The following SLC6A3 variants were observed in gnomAD, a reference collection of about 807,000 sequenced individuals.
SLC6A3 encodes the protein solute carrier family 6 member 3.
A neutral mutation model predicts 70.4 loss-of-function variants in SLC6A3; 19 were observed. That is an observed-to-expected ratio of 0.27 (90% CI 0.19 to 0.40). The LOEUF is 0.40. Among genes scored for constraint, SLC6A3 ranks in the 10% least tolerant of loss-of-function variants. The pLI is 1.00. For synonymous variants in SLC6A3, 368 were observed against 356.6 expected (o/e 1.03, Z -0.36); for missense variants, 613 against 838.5 (o/e 0.73, Z 3.32).
chr5:1,428,273 G>T (rs1756616314), intron 4 of SLC6A3, among the ~76,000 whole-genome samples: 1 of 152,150 alleles, frequency 6.6e-6, no homozygotes. Context: ...TCAAAAGAAA[G>T]ATTAGGGAAT....
At chr5:1,407,495 C>T (rs1323082189) in intron 11 of SLC6A3, among the ~76,000 whole-genome samples, 3 of 152,234 alleles carry the variant, frequency 2.0e-5, no homozygotes, top group African/African-American at 4.8e-5. Flanking sequence ...AGGACCGCAG[C>T]GTGCTGGAAG....
chr5:1,445,182 G>A (rs1733771565), intron 1 of SLC6A3, among the ~76,000 whole-genome samples, 166 bp downstream of exon 1: 1 of 152,192 alleles, frequency 6.6e-6, no homozygotes, highest in African/African-American at 2.4e-5. Flanking sequence ...GGCGCTATCG[G>A]GGGGCGCTCG....
chr5:1,432,492 C>A lies in SLC6A3; in HGVS notation c.625G>T (p.Gly209Trp), dbSNP rs372788698. 3.7e-6 allele frequency: 6 copies of A among 1,614,178 alleles called. No individual in the cohort carries two copies. In the Admixed American group the frequency reaches 5.0e-5, roughly 13 times the overall value. ...AAGTACTCGGCAGCAGGTGTGGTCC[C>A]AAAAGTGTCGTTGAGGCCCGAGCTG... ...GDSSGLNDTF[G>W]TTPAAEYFER... Residue 209 changes from glycine to tryptophan, a missense_variant, in exon 4 of 15, where the codon GGG becomes TGG. Gly to Trp is a radical substitution (Grantham distance 184, BLOSUM62 -2). Coordinates refer to ENST00000270349, the MANE Select transcript of SLC6A3 (RefSeq NM_001044.5).
intron 3 of SLC6A3, among the ~76,000 whole-genome samples, chr5:1,434,285 A>G (rs1199515809): frequency 6.6e-6 from 1 of 152,208 alleles, no homozygotes; most frequent in Non-Finnish European, 1.5e-5. Context: ...ATGACTATGA[A>G]GGACTACTCA....
rs1420411078 is a variant in SLC6A3 at position 1,405,069 on chromosome 5, T to C, written c.1599+1119A>G. 6.6e-6 allele frequency among the ~76,000 whole-genome samples: 1 copy of C among 152,242 alleles called. No individual in the cohort carries two copies. The highest frequency in any genetic ancestry group is 1.5e-5 in the Non-Finnish European group (1 of 68,040). On this transcript the variant is annotated intron_variant, in intron 12 of 14. Transcript: ENST00000270349. This position sits in a 1 kb window ranked among gnomAD's most constrained non-coding sequence, Gnocchi z 5.3. ...CTTTCCCCTCTGAACAGCCATGTAGTCTGTGTGCTATTAAAAGCCCGCCCC... is the reference window on the plus strand; with the variant it reads ...CTTTCCCCTCTGAACAGCCATGTAGCCTGTGTGCTATTAAAAGCCCGCCCC...
chr5:1,402,906 C>T lies in SLC6A3; in HGVS notation c.1767+16G>A. Reference sequence around the variant, plus strand: ...GGCCTCACACTCGGGTGAAGGCGCCCCGTCCAAATACCCACCTCTCGAAAG... The same window carrying T: ...GGCCTCACACTCGGGTGAAGGCGCCTCGTCCAAATACCCACCTCTCGAAAG... On this transcript the variant is annotated intron_variant, in intron 13 of 14. Transcript: ENST00000270349. The surrounding 1 kb of genome is among the most constrained non-coding windows in gnomAD (Gnocchi z 8.5). 1.2e-6 allele frequency: 2 copies of T among 1,612,244 alleles called. No homozygotes were observed. The highest frequency in any genetic ancestry group is 8.5e-7 in the Non-Finnish European group (1 of 1,179,870).
intron 4 of SLC6A3, among the ~76,000 whole-genome samples, chr5:1,430,726 C>T (rs1464737529): frequency 6.6e-6 from 1 of 152,116 alleles, no homozygotes; most frequent in Admixed American, 6.5e-5. Context: ...CCCGAAGGTG[C>T]CCTTGCAGAC....
intron 4 of SLC6A3, among the ~76,000 whole-genome samples, chr5:1,430,497 C>T (rs944377561): frequency 3.3e-5 from 5 of 152,130 alleles, no homozygotes; most frequent in African/African-American, 9.7e-5. Flanking sequence ...TTTGAGAGAC[C>T]GAACGCCTGC....
rs183736189 is a variant in SLC6A3 at position 1,428,384 on chromosome 5, T to C, written c.653+4080A>G. Among the ~76,000 whole-genome samples the C allele has an allele frequency of 9.5e-4, 145 of 152,306 alleles. 3 individuals are homozygous for C. In the East Asian group the frequency reaches 0.025, roughly 27 times the overall value. On this transcript the variant is annotated intron_variant, in intron 4 of 14. Coordinates refer to ENST00000270349, the MANE Select transcript of SLC6A3 (RefSeq NM_001044.5). ...AATTAATAGCTTTAATTTATAACTT[T>C]ATAATTTATATTAGGCAGTGTCGAT...
rs1755847008 is a variant in SLC6A3, at chr5:1,401,395, G to T, written c.1768-409C>A. On this transcript the variant is annotated intron_variant, in intron 13 of 14. Coordinates refer to ENST00000270349, the MANE Select transcript of SLC6A3 (RefSeq NM_001044.5). The surrounding 1 kb of genome is among the most constrained non-coding windows in gnomAD (Gnocchi z 6.1). ...GGCCACCTGCAGCTGACATATTCCG[G>T]GAGCACTTGCTTTTTGTCACCTGCA... 4.8e-6 allele frequency: 2 copies of T among 413,976 alleles called. No individual in the cohort carries two copies. The highest frequency in any genetic ancestry group is 4.1e-5 in the African/African-American group (2 of 48,794). The allele number at this position is 413,976 out of a possible 1,614,324, so 25.6% of individuals were successfully genotyped here.
In SLC6A3 at chr5:1,437,151, T is replaced by C. The variant is rs1174944977; in HGVS notation, c.418+4208A>G. ...CTGTAGCCCCAGCTACTCGGGAGGCTGGGGCAGGAGAATCGCTTGAACCCG... is the reference window on the plus strand; with the variant it reads ...CTGTAGCCCCAGCTACTCGGGAGGCCGGGGCAGGAGAATCGCTTGAACCCG... On this transcript the variant is annotated intron_variant, in intron 3 of 14. Coordinates refer to ENST00000270349, the MANE Select transcript of SLC6A3 (RefSeq NM_001044.5). The surrounding 1 kb of genome is among the most constrained non-coding windows in gnomAD (Gnocchi z 4.8). Among the ~76,000 whole-genome samples the C allele has an allele frequency of 6.7e-6, 1 of 149,840 alleles. No individual in the cohort carries two copies. The highest frequency in any genetic ancestry group is 1.5e-5 in the Non-Finnish European group (1 of 67,682).
Position 1,408,289 on chromosome 5 carries a change from AC to A in SLC6A3, c.1498+736del. On this transcript the variant is annotated intron_variant, in intron 11 of 14. Transcript: ENST00000270349. This position sits in a 1 kb window ranked among gnomAD's most constrained non-coding sequence, Gnocchi z 6.4. Reference sequence around the variant, plus strand: ...GATCTCTTGATCTCGTGATCTGCCCACCTCGGCCTCCCAAAGTGCTGGGATT... The same window carrying A: ...GATCTCTTGATCTCGTGATCTGCCCACTCGGCCTCCCAAAGTGCTGGGATT... Among the ~76,000 whole-genome samples, 1 of 147,884 alleles carries A rather than the reference AC, an allele frequency of 6.8e-6. No homozygotes were observed. The highest frequency in any genetic ancestry group is 2.0e-4 in the East Asian group (1 of 4,964).
chr5:1,429,847 T>G (rs987360568), intron 4 of SLC6A3, among the ~76,000 whole-genome samples: 8 of 152,204 alleles, frequency 5.3e-5, no homozygotes, highest in African/African-American at 1.9e-4. Context: ...AGCCCAGGCC[T>G]GGGGTGTTCA....
chr5:1,442,703 T>C lies in SLC6A3; in HGVS notation c.286+209A>G, dbSNP rs1054112655. ...GGCCTCCCTTTCCTAAACTCTGAAA[T>C]GCAGGCGTGGGACAAGGCAGCTCCG... is the stretch of plus-strand genomic sequence containing the variant. On this transcript the variant is annotated intron_variant, in intron 2 of 14. Transcript: ENST00000270349. This position sits in a 1 kb window ranked among gnomAD's most constrained non-coding sequence, Gnocchi z 5.0. 6.6e-6 allele frequency among the ~76,000 whole-genome samples: 1 copy of C among 151,434 alleles called. No individual in the cohort carries two copies. Among genetic ancestry groups the C allele is most frequent in the Admixed American group, 6.6e-5 (1 of 15,212 alleles).
rs370588183 is a variant in SLC6A3, at chr5:1,404,799, G to A, written c.1599+1389C>T. On this transcript the variant is annotated intron_variant, in intron 12 of 14. Transcript: ENST00000270349. The surrounding 1 kb of genome is among the most constrained non-coding windows in gnomAD (Gnocchi z 5.2). ...TCTCAACTTGGCAAAATGAAGTCCT[G>A]TTTCGTATAGTTTGTAGTTTTATCT... Among the ~76,000 whole-genome samples the A allele has an allele frequency of 1.5e-3, 234 of 152,392 alleles. 7 individuals carry two copies. The South Asian group carries it at 0.047, about 31-fold the overall frequency.
At chr5:1,441,220 T>C in intron 3 of SLC6A3, 139 bp downstream of exon 3, 4 of 1,001,628 alleles carry the variant, frequency 4.0e-6, no homozygotes, top group Non-Finnish European at 6.3e-6. Context: ...GGGACCCAAG[T>C]TCAAGTGGCG....
rs1319114374 is a variant in SLC6A3 at position 1,404,065 on chromosome 5, T to C, written c.1600-976A>G. 6.6e-6 allele frequency among the ~76,000 whole-genome samples: 1 copy of C among 152,254 alleles called. No individual in the cohort carries two copies. The highest frequency in any genetic ancestry group is 1.5e-5 in the Non-Finnish European group (1 of 68,036). On this transcript the variant is annotated intron_variant, in intron 12 of 14. Transcript: ENST00000270349. The surrounding 1 kb of genome is among the most constrained non-coding windows in gnomAD (Gnocchi z 5.2). ...ATGATGTAGCTTAAAATGCAATTTT[T>C]TCCCAATTGTCCACTTTTCCTCAAT...
intron 4 of SLC6A3, among the ~76,000 whole-genome samples, chr5:1,424,063 C>T (rs57525789): frequency 0.01 from 1,544 of 152,342 alleles, 23 homozygotes; most frequent in African/African-American, 0.035. Flanking sequence ...GAAGGCCCCA[C>T]GAGCCCTGAA....
chr5:1,395,729 T>C (rs1052751190), intron 14 of SLC6A3, among the ~76,000 whole-genome samples: 3 of 151,840 alleles, frequency 2.0e-5, no homozygotes, highest in Non-Finnish European at 2.9e-5. Flanking sequence ...GAGCAGAGGC[T>C]CTGGGTGGCA....
Sources: gnomAD v4.1 joint callset for allele counts (sites outside exome capture counted in the v4.1 genomes callset) on GRCh38, gnomAD v4.1.1 for gene constraint, Gnocchi (gnomAD v3.1) non-coding constraint, MANE v1.5 for transcripts, NCBI Gene and HGNC (gene_info 2026-07-23, HGNC 2026-07-21) for gene names.